SLC44A5: variants seen among roughly 807,000 people sequenced by gnomAD.
SLC44A5 encodes solute carrier family 44 member 5, also known as choline transporter-like protein 5.
Under a neutral mutation model 101.8 loss-of-function variants are expected in SLC44A5, and 57 were observed. That is an observed-to-expected ratio of 0.56 (90% CI 0.45 to 0.70). SLC44A5 has a LOEUF of 0.70. Among genes scored for constraint, SLC44A5 ranks in the 30% least tolerant of loss-of-function variants. The pLI is 0.00. For synonymous variants in SLC44A5, 281 were observed against 290.9 expected, an observed-to-expected ratio of 0.97 and a Z score of 0.35; for missense variants, 737 against 853.1, an observed-to-expected ratio of 0.86 and a Z score of 1.70.
intron 2 of SLC44A5, among the ~76,000 whole-genome samples, chr1:75,477,556 A>C (rs1275157818): frequency 6.6e-6 from 1 of 152,220 alleles, no homozygotes; most frequent in Non-Finnish European, 1.5e-5. Flanking sequence ...GAAGTGCTTA[A>C]AGGAGCTGAT....
At chr1:75,274,262 G>C (rs948685662) in intron 6 of SLC44A5, among the ~76,000 whole-genome samples, 1 of 151,872 alleles carries the variant, frequency 6.6e-6, no homozygotes, top group Non-Finnish European at 1.5e-5. Flanking sequence ...ACCACCCCAG[G>C]TTTCCACAGA....
chr1:75,204,959 C>T (rs1467662078), intron 23 of SLC44A5: 2 of 152,120 alleles, frequency 1.3e-5, no homozygotes, highest in Admixed American at 6.6e-5. Context: ...TTTGTTGTGG[C>T]CTTTGTCTTG....
the SLC44A5 span, chr1:75,710,583 A>G: frequency 2.0e-5 from 3 of 150,872 alleles, no homozygotes; most frequent in Non-Finnish European, 4.4e-5. Context: ...AAAAAAAAAA[A>G]AAAAGGAAAA....
intron 7 of SLC44A5, among the ~76,000 whole-genome samples, chr1:75,245,575 C>T (rs1229627743): frequency 6.6e-6 from 1 of 152,050 alleles, no homozygotes; most frequent in Non-Finnish European, 1.5e-5. Flanking sequence ...AGAACTAATG[C>T]TTTCACAGGC....
At chr1:75,591,437 T>G (rs1362546469) in intron 1 of SLC44A5, among the ~76,000 whole-genome samples, 4 of 152,224 alleles carry the variant, frequency 2.6e-5, no homozygotes, top group Non-Finnish European at 5.9e-5. Context: ...CTTTTTGATA[T>G]GCTGTTGGAT....
At chr1:75,511,114 G>T (rs1247917672) in intron 2 of SLC44A5, among the ~76,000 whole-genome samples, 2 of 152,194 alleles carry the variant, frequency 1.3e-5, no homozygotes, top group Non-Finnish European at 2.9e-5. Context: ...CTGCACTCCA[G>T]CCTGGGCGAC....
At chr1:75,321,836 G>T (rs1432899330) in intron 4 of SLC44A5, among the ~76,000 whole-genome samples, 1 of 152,002 alleles carries the variant, frequency 6.6e-6, no homozygotes, top group African/African-American at 2.4e-5. Context: ...CCATGTCTTT[G>T]TCATTACTAG....
chr1:75,465,789 A>G (rs954725583), intron 2 of SLC44A5, among the ~76,000 whole-genome samples: 1 of 152,170 alleles, frequency 6.6e-6, no homozygotes, highest in Non-Finnish European at 1.5e-5. Flanking sequence ...GAAGAAATGG[A>G]CAAACTCCTA....
At chr1:75,481,096 G>A (rs1284842172) in intron 2 of SLC44A5, among the ~76,000 whole-genome samples, 2 of 152,062 alleles carry the variant, frequency 1.3e-5, no homozygotes, top group Non-Finnish European at 2.9e-5. Context: ...CAGAAGTAAC[G>A]CCACATATCT....
chr1:75,498,164 C>T (rs1020733312), intron 2 of SLC44A5, among the ~76,000 whole-genome samples: 6 of 152,256 alleles, frequency 3.9e-5, no homozygotes, highest in African/African-American at 1.4e-4. Context: ...CAGTATATTA[C>T]ACTAAATAAC....
At chr1:75,308,680 T>G (rs1253638824) in intron 4 of SLC44A5, among the ~76,000 whole-genome samples, 1 of 152,190 alleles carries the variant, frequency 6.6e-6, no homozygotes, top group African/African-American at 2.4e-5. Context: ...GGGACATTAG[T>G]CCAAAGTCAT....
chr1:75,483,414 T>C (rs1444934698), intron 2 of SLC44A5, among the ~76,000 whole-genome samples: 1 of 152,152 alleles, frequency 6.6e-6, no homozygotes, highest in Non-Finnish European at 1.5e-5. Flanking sequence ...ATTTAGGTAT[T>C]AAAAAGTCCT....
At chr1:75,670,354 C>T in the SLC44A5 span, among the ~76,000 whole-genome samples, 1 of 151,936 alleles carries the variant, frequency 6.6e-6, no homozygotes, top group Non-Finnish European at 1.5e-5. Flanking sequence ...ACTTTTAAAG[C>T]TCAAAAGTAA....
At chr1:75,360,774 A>G (rs190806882) in intron 3 of SLC44A5, among the ~76,000 whole-genome samples, 3 of 152,230 alleles carry the variant, frequency 2.0e-5, no homozygotes, top group Admixed American at 1.3e-4. Flanking sequence ...CTTTTGCTCA[A>G]GACTGTTTTG....
chr1:75,617,263 A>T, the SLC44A5 span, among the ~76,000 whole-genome samples: 1 of 152,006 alleles, frequency 6.6e-6, no homozygotes, highest in African/African-American at 2.4e-5. Context: ...TCCTCCTCCT[A>T]GGTTAGTACA....
At chr1:75,360,235 A>G (rs1659390329) in intron 3 of SLC44A5, among the ~76,000 whole-genome samples, 1 of 152,138 alleles carries the variant, frequency 6.6e-6, no homozygotes, top group African/African-American at 2.4e-5. Context: ...TATCAAAAAA[A>G]TCCATGACCA....
chr1:75,696,532 G>A, the SLC44A5 span, among the ~76,000 whole-genome samples: 2 of 152,138 alleles, frequency 1.3e-5, no homozygotes, highest in Middle Eastern at 3.2e-3. Flanking sequence ...GAGGATTGGA[G>A]TCATCAAATC....
At chr1:75,339,479 G>A in intron 4 of SLC44A5, 103 bp downstream of exon 4, 1 of 848,250 alleles carries the variant, frequency 1.2e-6, no homozygotes, top group Middle Eastern at 2.3e-4. Context: ...TCCCCTCACA[G>A]TAGACACAAT....
intron 2 of SLC44A5, among the ~76,000 whole-genome samples, chr1:75,496,611 A>AAC (rs553760639): frequency 2.3e-4 from 27 of 119,456 alleles, no homozygotes; most frequent in African/African-American, 8.5e-4. Flanking sequence ...CAACAACAAC[A>AAC]AAAAAAAAAA....
Sources: allele counts gnomAD v4.1 joint callset (sites outside exome capture counted in the v4.1 genomes callset), GRCh38; gene constraint gnomAD v4.1.1; transcripts MANE v1.5; gene names NCBI Gene and HGNC (gene_info 2026-07-23, HGNC 2026-07-21).